PPP2R5E: variants seen among roughly 807,000 people sequenced by gnomAD.
The protein encoded by PPP2R5E is protein phosphatase 2 regulatory subunit B'epsilon, also known as serine/threonine-protein phosphatase 2A 56 kDa regulatory subunit epsilon isoform.
In PPP2R5E, 4 loss-of-function variants were observed where a neutral mutation model predicts 65.3. The ratio of observed to expected loss-of-function variants is 0.06; its 90% CI spans 0.03 to 0.14. The LOEUF (loss-of-function observed/expected upper bound fraction) is 0.14. Ranked by LOEUF, PPP2R5E falls within the 10% of genes least tolerant of loss-of-function variation. The pLI is 1.00. For synonymous variants in PPP2R5E, 183 were observed against 187.4 expected (o/e 0.98, Z 0.19); for missense variants, 274 against 556.1 (o/e 0.49, Z 5.10).
chr14:63,395,397 G>T, intron 6 of PPP2R5E, 112 bp from the exon 7 acceptor site: 1 of 469,580 alleles, frequency 2.1e-6, no homozygotes, highest in Non-Finnish European at 3.7e-6. Context: ...AGAGGAGGAG[G>T]AGGAGGAGAG....
rs181440461 is a variant in PPP2R5E, at chr14:63,514,078, T to C, written c.157+25451A>G. 2.4e-4 allele frequency among the ~76,000 whole-genome samples: 36 copies of C among 152,308 alleles called. No homozygotes were observed. The East Asian group carries it at 5.8e-3, about 24-fold the overall frequency. ...GTCTGTCCAGTCTAAGCCCCAGATA[T>C]GACAGGAAACTGAGTTTGTTTTATT... On this transcript the variant is annotated intron_variant, in intron 2 of 13. Coordinates refer to ENST00000337537, the MANE Select transcript of PPP2R5E (RefSeq NM_006246.5).
At chr14:63,418,932 C>T (rs1051250450) in intron 4 of PPP2R5E, among the ~76,000 whole-genome samples, 7 of 150,474 alleles carry the variant, frequency 4.7e-5, no homozygotes, top group African/African-American at 1.5e-4. Flanking sequence ...CTGCAGCCTC[C>T]GCCTCCCAGG....
chr14:63,498,711 A>G (rs1190325907), intron 2 of PPP2R5E, among the ~76,000 whole-genome samples: 5 of 152,074 alleles, frequency 3.3e-5, no homozygotes, highest in African/African-American at 1.2e-4. Context: ...GGCATGAACC[A>G]CTGATCCAGC....
intron 2 of PPP2R5E, among the ~76,000 whole-genome samples, chr14:63,536,520 G>A (rs201903045): frequency 6.6e-6 from 1 of 152,034 alleles, no homozygotes; most frequent in South Asian, 2.1e-4. Flanking sequence ...TACACGTCTG[G>A]GTACATACCC....
intron 2 of PPP2R5E, among the ~76,000 whole-genome samples, chr14:63,528,558 A>C (rs1219750222): frequency 6.6e-6 from 1 of 152,234 alleles, no homozygotes; most frequent in East Asian, 1.9e-4. Flanking sequence ...ACCAAAGCAC[A>C]AACCCACTCA....
At chr14:63,424,218 T>C (rs1464638016) in intron 3 of PPP2R5E, among the ~76,000 whole-genome samples, 1 of 152,186 alleles carries the variant, frequency 6.6e-6, no homozygotes, top group Non-Finnish European at 1.5e-5. Flanking sequence ...TAACCGAAGA[T>C]GGAGATTACT....
At chr14:63,522,986 C>A (rs1227831046) in intron 2 of PPP2R5E, among the ~76,000 whole-genome samples, 3 of 143,758 alleles carry the variant, frequency 2.1e-5, no homozygotes, top group Non-Finnish European at 4.6e-5. Context: ...CCCGGCCAGC[C>A]GCCCCGTCCG....
intron 3 of PPP2R5E, among the ~76,000 whole-genome samples, chr14:63,448,777 A>G (rs544273122): frequency 1.4e-5 from 2 of 145,616 alleles, no homozygotes; most frequent in Non-Finnish European, 3.0e-5. Context: ...GTGACAGAAC[A>G]AGACTTCGTC....
chr14:63,486,786 A>T (rs971711957), intron 2 of PPP2R5E, among the ~76,000 whole-genome samples: 2 of 152,038 alleles, frequency 1.3e-5, no homozygotes, highest in Non-Finnish European at 2.9e-5. Flanking sequence ...TTTCCACTCC[A>T]GCCTTTCTCT....
rs540362247 is a variant in PPP2R5E, at chr14:63,484,439, T to C, written c.158-30554A>G. 3.9e-4 allele frequency among the ~76,000 whole-genome samples: 60 copies of C among 151,978 alleles called. No homozygotes were observed. The South Asian group carries it at 0.012, about 30-fold the overall frequency. ...ACACCAAGGACTTCTAAGCATTTCCTTTTTCAGAATGAACTTGCTCACATG... is the reference window on the plus strand; with the variant it reads ...ACACCAAGGACTTCTAAGCATTTCCCTTTTCAGAATGAACTTGCTCACATG... On this transcript the variant is annotated intron_variant, in intron 2 of 13. Transcript: ENST00000337537.
intron 5 of PPP2R5E, among the ~76,000 whole-genome samples, chr14:63,412,778 T>C (rs1886466440): frequency 6.6e-6 from 1 of 152,220 alleles, no homozygotes; most frequent in South Asian, 2.1e-4. Flanking sequence ...CAAAGCCCCA[T>C]TTAATAGGAA....
intron 2 of PPP2R5E, among the ~76,000 whole-genome samples, chr14:63,488,357 C>T (rs1018301018): frequency 6.6e-6 from 1 of 152,000 alleles, no homozygotes; most frequent in African/African-American, 2.4e-5. Context: ...ACCACCATGC[C>T]TACCTAATTT....
At chr14:63,399,493 C>T (rs1317870058) in intron 5 of PPP2R5E, among the ~76,000 whole-genome samples, 1 of 144,024 alleles carries the variant, frequency 6.9e-6, no homozygotes, top group Non-Finnish European at 1.5e-5. Flanking sequence ...GATTCTCCTG[C>T]TTCAGCCTCC....
intron 3 of PPP2R5E, among the ~76,000 whole-genome samples, chr14:63,428,634 T>C (rs1031421055): frequency 2.0e-5 from 3 of 152,126 alleles, no homozygotes; most frequent in South Asian, 2.1e-4. Flanking sequence ...TATTGTTAAG[T>C]ATGGTGCTGC....
At chr14:63,421,182 C>T (rs950398068) in intron 4 of PPP2R5E, among the ~76,000 whole-genome samples, 5 of 151,836 alleles carry the variant, frequency 3.3e-5, no homozygotes, top group African/African-American at 1.2e-4. Context: ...TTCTTCCACC[C>T]CTTCCCCCTT....
intron 2 of PPP2R5E, among the ~76,000 whole-genome samples, chr14:63,493,483 C>CGT (rs10658950): frequency 0.28 from 36,026 of 126,652 alleles, 5,429 homozygotes; most frequent in African/African-American, 0.43. Flanking sequence ...ACCGCGCGCG[C>CGT]GTGTGTGTGT....
At chr14:63,402,518 T>G (rs1425193179) in intron 5 of PPP2R5E, among the ~76,000 whole-genome samples, 1 of 152,138 alleles carries the variant, frequency 6.6e-6, no homozygotes, top group Non-Finnish European at 1.5e-5. Flanking sequence ...CAAAAAAAAT[T>G]GCAAGAAGGA....
At chr14:63,478,148 C>G (rs1046966104) in intron 2 of PPP2R5E, among the ~76,000 whole-genome samples, 1 of 152,156 alleles carries the variant, frequency 6.6e-6, no homozygotes, top group African/African-American at 2.4e-5. Context: ...TCCTGTAGAA[C>G]TGAAAACAGA....
At chr14:63,460,486 ATTTG>A (rs1218240544) in intron 2 of PPP2R5E, among the ~76,000 whole-genome samples, 3 of 152,206 alleles carry the variant, frequency 2.0e-5, no homozygotes, top group Non-Finnish European at 4.4e-5. Context: ...ATGGTTAGTT[ATTTG>A]TTTAAGAGAA....
Sources: gnomAD v4.1 joint callset for allele counts (sites outside exome capture counted in the v4.1 genomes callset) on GRCh38, gnomAD v4.1.1 for gene constraint, MANE v1.5 for transcripts, NCBI Gene and HGNC (gene_info 2026-07-23, HGNC 2026-07-21) for gene names.